Variants in CDKL5 observed in about 807,000 individuals in gnomAD.
CDKL5 encodes the protein cyclin-dependent kinase-like 5.
In CDKL5, 8 loss-of-function variants were observed where a neutral mutation model predicts 61.7. The observed-to-expected ratio is 0.13, with a 90% CI of 0.08 to 0.23. The LOEUF is 0.23. CDKL5 is among the 10% of genes least tolerant of loss of function. CDKL5 has a pLI of 1.00. For synonymous variants in CDKL5, 275 were observed against 272.3 expected, an observed-to-expected ratio of 1.01 and a Z score of -0.10; for missense variants, 440 against 734.5, an observed-to-expected ratio of 0.60 and a Z score of 4.63.
At position 18,570,087 on chromosome X, in the gene CDKL5, C is replaced by A. The variant is rs1183653848; in HGVS notation, c.146-5267C>A. On this transcript the variant is annotated intron_variant, in intron 4 of 17. Transcript: ENST00000623535. ...AGACACTGGAAAGCTCTATACTGATCTCTGGATCAGGAGTACTCTGGTCTC... is the reference window on the plus strand; with the variant it reads ...AGACACTGGAAAGCTCTATACTGATATCTGGATCAGGAGTACTCTGGTCTC... Among the ~76,000 whole-genome samples the A allele has an allele frequency of 2.7e-5, 3 of 111,370 alleles. No individual in the cohort carries two copies. In the Admixed American group the frequency reaches 2.9e-4, roughly 11 times the overall value.
chrX:18,590,180 G>C (rs190044937), intron 9 of CDKL5, among the ~76,000 whole-genome samples: 1 of 111,558 alleles, frequency 9.0e-6, no homozygotes, highest in Non-Finnish European at 1.9e-5. Context: ...TGTTGCCATT[G>C]CTTTTGGTGT....
At chrX:18,586,410 G>A (rs1482243517) in intron 8 of CDKL5, among the ~76,000 whole-genome samples, 3 of 111,394 alleles carry the variant, frequency 2.7e-5, no homozygotes, top group Non-Finnish European at 5.7e-5. Context: ...ATATGGTGGT[G>A]TCTGTAACAT....
chrX:18,501,694 G>A (rs771434158), intron 1 of CDKL5, among the ~76,000 whole-genome samples: 2 of 109,993 alleles, frequency 1.8e-5, no homozygotes, highest in South Asian at 3.9e-4. Flanking sequence ...CACTACAGGC[G>A]CGCACCACCA....
Position 18,551,868 on chromosome X carries a change from T to C in CDKL5, c.100-12609T>C, listed in dbSNP as rs190496294. 2.5e-3 allele frequency among the ~76,000 whole-genome samples: 272 copies of C among 108,921 alleles called. 1 individual carries two copies. Among genetic ancestry groups the C allele is most frequent in the African/African-American group, 8.7e-3 (261 of 30,026 alleles). The allele number at this position is 108,921 out of a possible 115,157, so 94.6% of individuals were successfully genotyped here. On this transcript the variant is annotated intron_variant, in intron 3 of 17. Transcript: ENST00000623535. ...TCGGCCTCCAAAAGTGCTGAGATTA[T>C]AGGCGTGAGCCACCACACCCTTCCG...
In CDKL5 at chrX:18,653,560, G is replaced by A. The variant is rs775808084; in HGVS notation, c.*16G>A. 15 of 1,207,128 alleles carry A rather than the reference G, an allele frequency of 1.2e-5. No individual in the cohort carries two copies. In the South Asian group the frequency reaches 1.8e-4, roughly 14 times the overall value. ...GGGCAAGTGACTTCTGCAAGCCTGC[G>A]GCTGGTCCCAATGCCCTGAATCACC... On this transcript the variant is annotated 3_prime_UTR_variant, in exon 22 of 22. Coordinates refer to the CDKL5 transcript ENST00000379989.
intron 1 of CDKL5, among the ~76,000 whole-genome samples, chrX:18,451,019 G>C (rs774577461): frequency 2.7e-5 from 3 of 111,048 alleles, no homozygotes; most frequent in African/African-American, 6.5e-5. Flanking sequence ...CCATTTTATA[G>C]ATAGGGTCCC....
intron 1 of CDKL5, among the ~76,000 whole-genome samples, chrX:18,504,579 T>C (rs986580845): frequency 2.7e-5 from 3 of 111,931 alleles, no homozygotes; most frequent in African/African-American, 6.5e-5. Flanking sequence ...ACCATCAGTG[T>C]ATGGAAGGGC....
At chrX:18,624,150 A>G (rs947990985) in intron 16 of CDKL5, 1 of 163,058 alleles carries the variant, frequency 6.1e-6, no homozygotes, top group African/African-American at 3.2e-5. Context: ...TGGGATATAA[A>G]TTCATTGCCA....
chrX:18,475,480 A>G (rs1921274714), intron 1 of CDKL5, among the ~76,000 whole-genome samples: 1 of 109,449 alleles, frequency 9.1e-6, no homozygotes, highest in African/African-American at 3.3e-5. Context: ...ATTTTTCTGT[A>G]GACTCAGGGT....
Position 18,629,697 on chromosome X carries a change from C to G in CDKL5, c.*940C>G. Reference sequence around the variant, plus strand: ...AGCAGACGAGATGCAGCATCTCTTTCCAAACCTGCAGGGGAAGAAAGTCAG... The same window carrying G: ...AGCAGACGAGATGCAGCATCTCTTTGCAAACCTGCAGGGGAAGAAAGTCAG... On this transcript the variant is annotated 3_prime_UTR_variant, in exon 18 of 18. Coordinates refer to ENST00000623535, the MANE Select transcript of CDKL5 (RefSeq NM_001323289.2). 1.3e-6 allele frequency: 1 copy of G among 753,828 alleles called. No individual in the cohort carries two copies. The highest frequency in any genetic ancestry group is 1.6e-6 in the Non-Finnish European group (1 of 639,135). The allele number at this position is 753,828 out of a possible 1,213,427, so 62.1% of individuals were successfully genotyped here.
intron 3 of CDKL5, among the ~76,000 whole-genome samples, chrX:18,560,521 A>G (rs1410100173): frequency 8.9e-6 from 1 of 111,925 alleles, no homozygotes; most frequent in African/African-American, 3.2e-5. Context: ...GAACTGATTA[A>G]TGTTCGTTTA....
intron 14 of CDKL5, 117 bp downstream of exon 14, chrX:18,609,687 C>A: frequency 9.0e-7 from 1 of 1,110,587 alleles, no homozygotes; most frequent in Non-Finnish European, 1.2e-6. Context: ...CGCCTTCCAG[C>A]GGTTCTCCCT....
rs1351197010 is a variant in CDKL5, at chrX:18,595,285, C to T, written c.745-63C>T. 7.8e-6 allele frequency: 6 copies of T among 770,995 alleles called. No individual in the cohort carries two copies. In the South Asian group the frequency reaches 1.2e-4, roughly 16 times the overall value. 63.5% of individuals were successfully genotyped at this position (770,995 alleles called of 1,213,427 possible). A position where few individuals can be genotyped will look rare whatever the true frequency, so the allele number is the denominator to read the frequency against. ...TATCTGCTCCCTTCTGCAACACTCA[C>T]AAGCACGTGCACACACATGTCCTTC... On this transcript the variant is annotated intron_variant, in intron 9 of 17. Transcript: ENST00000623535.
intron 3 of CDKL5, among the ~76,000 whole-genome samples, chrX:18,529,128 C>T (rs933023671): frequency 5.8e-5 from 6 of 104,007 alleles, no homozygotes; most frequent in Non-Finnish European, 9.8e-5. Flanking sequence ...TTTAACTGAC[C>T]GTTTTACAGG....
rs760865780 is a variant in CDKL5 at position 18,617,449 on chromosome X, C to T, written c.2277-2418C>T. Among the ~76,000 whole-genome samples the T allele has an allele frequency of 3.6e-5, 4 of 112,192 alleles. No homozygotes were observed. The East Asian group carries it at 1.1e-3, about 32-fold the overall frequency. ...AGGTGGAATCACAGGGGCCAGAATG[C>T]GCAAATGAGGGAAATGACCAACCAC... is the stretch of plus-strand genomic sequence containing the variant. On this transcript the variant is annotated intron_variant, in intron 15 of 17. Transcript: ENST00000623535.
intron 1 of CDKL5, among the ~76,000 whole-genome samples, chrX:18,476,858 C>T (rs1372421339): frequency 9.0e-6 from 1 of 110,930 alleles, no homozygotes; most frequent in Non-Finnish European, 1.9e-5. Flanking sequence ...CCTCTGCCTC[C>T]CGGGTTCAAG....
At chrX:18,611,690 AT>A (rs775924159) in intron 14 of CDKL5, among the ~76,000 whole-genome samples, 143 of 111,803 alleles carry the variant, frequency 1.3e-3, no homozygotes, top group African/African-American at 4.2e-3. Context: ...GCAAAAAAAA[AT>A]AAATTGGTTA....
chrX:18,492,890 C>A (rs1032776181), intron 1 of CDKL5, among the ~76,000 whole-genome samples: 3 of 111,609 alleles, frequency 2.7e-5, no homozygotes, highest in Non-Finnish European at 3.8e-5. Context: ...TCCACCCCTC[C>A]TATTCTTGTT....
At chrX:18,480,579 G>A (rs1921508450) in intron 1 of CDKL5, among the ~76,000 whole-genome samples, 1 of 111,252 alleles carries the variant, frequency 9.0e-6, no homozygotes, top group African/African-American at 3.3e-5. Flanking sequence ...ATTGAAGATG[G>A]GGTATTTACA....
Sources: allele counts gnomAD v4.1 joint callset (sites outside exome capture counted in the v4.1 genomes callset), GRCh38; gene constraint gnomAD v4.1.1; transcripts MANE v1.5; gene names NCBI Gene and HGNC (gene_info 2026-07-23, HGNC 2026-07-21).